UGT2A1: variants seen among roughly 807,000 people sequenced by gnomAD.
UGT2A1 encodes UDP glucuronosyltransferase family 2 member A1 complex locus.
In UGT2A1, 61 loss-of-function variants were observed where a neutral mutation model predicts 45.4. The ratio of observed to expected loss-of-function variants is 1.34; its 90% confidence interval spans 1.09 to 1.66. UGT2A1 has a LOEUF of 1.66. Among genes scored for constraint, UGT2A1 ranks in the 40% most tolerant of loss-of-function variants. The probability of loss-of-function intolerance (pLI) is 0.00; values close to 1 mark genes in which losing one functional copy is unlikely to be tolerated. For synonymous variants in UGT2A1, 229 were observed against 196.2 expected, an observed-to-expected ratio of 1.17 and a Z score of -1.40; for missense variants, 649 against 574.3, an observed-to-expected ratio of 1.13 and a Z score of -1.33.
chr4:69,609,389 G>C (rs1249966696), intron 3 of UGT2A1, among the ~76,000 whole-genome samples: 6 of 151,864 alleles, frequency 4.0e-5, no homozygotes, highest in Admixed American at 3.9e-4. Context: ...TTGTAGAGAT[G>C]ATGTCTCTCT....
intron 3 of UGT2A1, among the ~76,000 whole-genome samples, chr4:69,606,884 A>AGGG (rs1719660944): frequency 7.4e-6 from 1 of 134,628 alleles, no homozygotes; most frequent in Non-Finnish European, 1.6e-5. Flanking sequence ...GGACCTCTTC[A>AGGG]AGAACTACAA....
intron 3 of UGT2A1, among the ~76,000 whole-genome samples, chr4:69,625,876 C>T (rs1419372452): frequency 6.6e-6 from 1 of 151,462 alleles, no homozygotes; most frequent in Non-Finnish European, 1.5e-5. Flanking sequence ...CAATAGCATT[C>T]TTTAACCCAG....
chr4:69,620,165 T>C (rs1374463153), intron 3 of UGT2A1, among the ~76,000 whole-genome samples: 2 of 151,816 alleles, frequency 1.3e-5, no homozygotes, highest in African/African-American at 4.8e-5. Context: ...ATAAAAGGCA[T>C]CCAAATAGGA....
intron 6 of UGT2A1, among the ~76,000 whole-genome samples, chr4:69,594,102 G>A (rs1718761211): frequency 6.6e-6 from 1 of 151,170 alleles, no homozygotes; most frequent in Non-Finnish European, 1.5e-5. Context: ...AGCCTCCTGA[G>A]TAGCTGGGAC....
intron 3 of UGT2A1, among the ~76,000 whole-genome samples, chr4:69,612,616 C>A (rs1271305757): frequency 1.3e-5 from 2 of 151,748 alleles, no homozygotes; most frequent in Non-Finnish European, 1.5e-5. Flanking sequence ...TGGACAAAAA[C>A]AAGAAATAGG....
intron 3 of UGT2A1, chr4:69,599,691 AAGAAAG>A (rs796961227): frequency 6.1e-4 from 118 of 193,588 alleles, no homozygotes; most frequent in East Asian, 2.0e-3. Context: ...GGTAGAAATA[AAGAAAG>A]AGAGAGAGAG....
In UGT2A1 at chr4:69,639,180, T is replaced by A. The variant is rs1044024954; in HGVS notation, c.716-3358A>T. On this transcript the variant is annotated intron_variant, in intron 2 of 6. Transcript: ENST00000286604. ...TGTTACTGGGTCTGCTACCAACACA[T>A]CAAAACCACCTTTCTGAAGTCTTGC... is the stretch of plus-strand genomic sequence containing the variant. The A allele has an allele frequency of 6.2e-7, 1 of 1,613,556 alleles. No homozygotes were observed. The highest frequency in any genetic ancestry group is 1.3e-5 in the African/African-American group (1 of 74,870).
intron 2 of UGT2A1, among the ~76,000 whole-genome samples, chr4:69,637,974 A>G (rs1721811850): frequency 6.6e-6 from 1 of 151,570 alleles, no homozygotes; most frequent in Admixed American, 6.6e-5. Context: ...GAAGGAAAAA[A>G]GGAAGGCAAG....
At chr4:69,590,859 T>C (rs1577938047) in intron 6 of UGT2A1, among the ~76,000 whole-genome samples, 1 of 152,306 alleles carries the variant, frequency 6.6e-6, no homozygotes, top group East Asian at 1.9e-4. Context: ...TACACTAATG[T>C]TTTATGACTG....
chr4:69,589,750 A>G, intron 6 of UGT2A1, 99 bp from the exon 7 acceptor site: 1 of 1,471,302 alleles, frequency 6.8e-7, no homozygotes, highest in Non-Finnish European at 9.1e-7. Flanking sequence ...GTTTAAGGCC[A>G]TAGTTACGTG....
At chr4:69,638,664 C>A (rs1261191852) in intron 2 of UGT2A1, among the ~76,000 whole-genome samples, 1 of 152,078 alleles carries the variant, frequency 6.6e-6, no homozygotes, top group Non-Finnish European at 1.5e-5. Flanking sequence ...AAAGCTATTA[C>A]CTAAATGGAC....
At chr4:69,593,199 T>C (rs762603450) in intron 6 of UGT2A1, among the ~76,000 whole-genome samples, 2 of 152,052 alleles carry the variant, frequency 1.3e-5, no homozygotes, top group Non-Finnish European at 2.9e-5. Context: ...TGAAAGAAAA[T>C]TCCATGTGAG....
At chr4:69,625,197 T>A (rs1053302527) in intron 3 of UGT2A1, among the ~76,000 whole-genome samples, 4 of 151,078 alleles carry the variant, frequency 2.6e-5, no homozygotes, top group Non-Finnish European at 3.0e-5. Context: ...AAGTATTTTT[T>A]AATTTTCCTT....
At chr4:69,614,456 T>TA (rs201258721) in intron 3 of UGT2A1, among the ~76,000 whole-genome samples, 12 of 115,366 alleles carry the variant, frequency 1.0e-4, no homozygotes, top group East Asian at 4.4e-4. Flanking sequence ...CTTCACAAAT[T>TA]AAAAAATATA....
At chr4:69,607,917 AC>A (rs2109909542) in intron 3 of UGT2A1, among the ~76,000 whole-genome samples, 1 of 152,318 alleles carries the variant, frequency 6.6e-6, no homozygotes, top group Admixed American at 6.5e-5. Context: ...AAGTCAGGAA[AC>A]AACAGGTGCT....
intron 3 of UGT2A1, among the ~76,000 whole-genome samples, chr4:69,600,203 AC>A (rs953240818): frequency 2.0e-5 from 3 of 152,184 alleles, no homozygotes; most frequent in Admixed American, 6.5e-5. Flanking sequence ...AATCCAGACC[AC>A]GGGGAAATGC....
intron 3 of UGT2A1, among the ~76,000 whole-genome samples, chr4:69,634,306 T>A (rs1560490807): frequency 6.6e-6 from 1 of 151,662 alleles, no homozygotes; most frequent in African/African-American, 2.4e-5. Context: ...ACAACACTGA[T>A]CACAGGAAAG....
intron 6 of UGT2A1, among the ~76,000 whole-genome samples, chr4:69,592,186 G>T (rs1292305895): frequency 6.6e-6 from 1 of 152,038 alleles, no homozygotes; most frequent in Non-Finnish European, 1.5e-5. Context: ...AATTCCATCC[G>T]AGTTTACCTT....
At chr4:69,640,788 T>A (rs558430986) in intron 2 of UGT2A1, among the ~76,000 whole-genome samples, 1 of 151,890 alleles carries the variant, frequency 6.6e-6, no homozygotes, top group Middle Eastern at 3.4e-3. Context: ...TGCATTTGTG[T>A]CCTCTCAAGA....
Sources: allele counts gnomAD v4.1 joint callset (sites outside exome capture counted in the v4.1 genomes callset), GRCh38; gene constraint gnomAD v4.1.1; transcripts MANE v1.5; gene names NCBI Gene and HGNC (gene_info 2026-07-23, HGNC 2026-07-21).